DENND1A: variants seen among roughly 807,000 people sequenced by gnomAD.
DENND1A encodes the protein DENN domain containing 1A.
A neutral mutation model predicts 113.7 loss-of-function variants in DENND1A; 51 were observed. The ratio of observed to expected loss-of-function variants is 0.45; its 90% CI spans 0.36 to 0.57. The LOEUF (loss-of-function observed/expected upper bound fraction) is 0.57. DENND1A is among the 20% of genes least tolerant of loss of function. The probability of loss-of-function intolerance (pLI) is 0.00; values close to 1 mark genes in which losing one functional copy is unlikely to be tolerated. For missense variants in DENND1A, 1,258 were observed against 1,395.9 expected (o/e 0.90, Z 1.57); for synonymous variants, 565 against 570.8 (o/e 0.99, Z 0.14).
chr9:123,424,624 G>C (rs1298832092), intron 19 of DENND1A, among the ~76,000 whole-genome samples: 1 of 152,156 alleles, frequency 6.6e-6, no homozygotes, highest in Non-Finnish European at 1.5e-5. Context: ...GCACCTATGG[G>C]ATAAAATTCA....
At chr9:123,408,812 C>T (rs2131452098) in intron 20 of DENND1A, among the ~76,000 whole-genome samples, 1 of 152,342 alleles carries the variant, frequency 6.6e-6, no homozygotes, top group Non-Finnish European at 1.5e-5. Flanking sequence ...CAGATCCCCA[C>T]ACCAGTGAGA....
At chr9:123,449,500 A>C (rs981769525) in intron 18 of DENND1A, among the ~76,000 whole-genome samples, 24 of 149,618 alleles carry the variant, frequency 1.6e-4, no homozygotes, top group Admixed American at 1.3e-3. Context: ...GCGCCATTGC[A>C]CTCCAGCATG....
At chr9:123,672,511 A>G (rs2063814753) in intron 6 of DENND1A, among the ~76,000 whole-genome samples, 2 of 152,216 alleles carry the variant, frequency 1.3e-5, no homozygotes, top group Admixed American at 1.3e-4. Flanking sequence ...CTAAATCACC[A>G]CAATTAATTA....
rs995950214 is a variant in DENND1A, at chr9:123,505,421, C to T, written c.994-47524G>A. On this transcript the variant is annotated intron_variant, in intron 13 of 23. Transcript: ENST00000394215. Reference sequence around the variant, plus strand: ...AAGTGGGATTCACAAGCACCCTCCACATTTTGAGGCATGTAGGCAACATAG... The same window carrying T: ...AAGTGGGATTCACAAGCACCCTCCATATTTTGAGGCATGTAGGCAACATAG... Among the ~76,000 whole-genome samples, 3 of 152,320 alleles carry T rather than the reference C, an allele frequency of 2.0e-5. No individual in the cohort carries two copies. In the East Asian group the frequency reaches 5.8e-4, roughly 29 times the overall value.
At chr9:123,417,885 T>TA (rs2044869290) in intron 19 of DENND1A, among the ~76,000 whole-genome samples, 1 of 133,864 alleles carries the variant, frequency 7.5e-6, no homozygotes, top group South Asian at 2.8e-4. Flanking sequence ...TGCCATAGAT[T>TA]GGGGGGGGGG....
At chr9:123,465,233 C>G (rs183189447) in intron 13 of DENND1A, among the ~76,000 whole-genome samples, 281 of 150,362 alleles carry the variant, frequency 1.9e-3, no homozygotes, top group Middle Eastern at 3.5e-3. Context: ...TCAAAGAATC[C>G]TGTCTAGTTC....
chr9:123,729,559 G>A (rs1379490112), intron 5 of DENND1A, among the ~76,000 whole-genome samples: 1 of 152,170 alleles, frequency 6.6e-6, no homozygotes, highest in East Asian at 1.9e-4. Context: ...CAAGGGATGT[G>A]AAGGACCTCT....
At chr9:123,717,087 TAGC>T (rs967478900) in intron 5 of DENND1A, among the ~76,000 whole-genome samples, 51 of 152,282 alleles carry the variant, frequency 3.3e-4, no homozygotes, top group African/African-American at 9.6e-4. Flanking sequence ...CTAGGAAACT[TAGC>T]AGTATTACAT....
chr9:123,403,295 C>A, intron 21 of DENND1A, 107 bp downstream of exon 21: 1 of 1,117,370 alleles, frequency 8.9e-7, no homozygotes, highest in South Asian at 1.3e-5. Flanking sequence ...CGCTGGGAGC[C>A]CCGGGGAAGC....
intron 2 of DENND1A, among the ~76,000 whole-genome samples, chr9:123,834,422 A>C (rs1282647286): frequency 6.6e-6 from 1 of 152,228 alleles, no homozygotes; most frequent in Non-Finnish European, 1.5e-5. Context: ...GAGACATCAA[A>C]TAATTTGCAC....
intron 16 of DENND1A, among the ~76,000 whole-genome samples, chr9:123,452,832 A>T (rs1164598848): frequency 6.6e-6 from 1 of 152,154 alleles, no homozygotes; most frequent in Non-Finnish European, 1.5e-5. Context: ...TCACCGTGCA[A>T]CTTCCTTTTC....
intron 4 of DENND1A, among the ~76,000 whole-genome samples, chr9:123,766,931 G>A (rs1828919043): frequency 6.6e-6 from 1 of 152,180 alleles, no homozygotes; most frequent in Non-Finnish European, 1.5e-5. Flanking sequence ...ATGTCAGAAA[G>A]TTTTATGACT....
chr9:123,613,355 T>C (rs1177020209), intron 10 of DENND1A, among the ~76,000 whole-genome samples: 1 of 152,044 alleles, frequency 6.6e-6, no homozygotes, highest in Non-Finnish European at 1.5e-5. Context: ...AAAAAAAAAC[T>C]TCTTCATATT....
At chr9:123,537,193 T>C (rs1034598527) in intron 13 of DENND1A, among the ~76,000 whole-genome samples, 5 of 151,538 alleles carry the variant, frequency 3.3e-5, no homozygotes, top group Non-Finnish European at 5.9e-5. Flanking sequence ...GGGATAGAAC[T>C]CAGGAAAATA....
chr9:123,590,500 T>C (rs536368243), intron 11 of DENND1A, among the ~76,000 whole-genome samples: 2 of 152,250 alleles, frequency 1.3e-5, no homozygotes, highest in South Asian at 4.1e-4. Context: ...CCTTGATAAA[T>C]GGGGGATGAT....
chr9:123,799,492 A>G (rs2132191528), intron 2 of DENND1A, among the ~76,000 whole-genome samples: 1 of 152,330 alleles, frequency 6.6e-6, no homozygotes, highest in African/African-American at 2.4e-5. Context: ...GTGTGATACT[A>G]GGAGTTAATC....
chr9:123,860,811 A>G (rs1188291222), intron 2 of DENND1A, among the ~76,000 whole-genome samples: 1 of 152,224 alleles, frequency 6.6e-6, no homozygotes, highest in African/African-American at 2.4e-5. Context: ...GGCACCACAC[A>G]ATAGAGTTTC....
At chr9:123,391,270 G>C (rs954298546) in intron 21 of DENND1A, among the ~76,000 whole-genome samples, 2 of 152,240 alleles carry the variant, frequency 1.3e-5, no homozygotes, top group African/African-American at 4.8e-5. Flanking sequence ...CCTGTCTCTT[G>C]AAAGTGGCAG....
chr9:123,731,253 A>C (rs1158444751), intron 5 of DENND1A, among the ~76,000 whole-genome samples: 2 of 152,202 alleles, frequency 1.3e-5, no homozygotes, highest in Non-Finnish European at 2.9e-5. Context: ...CTTAAAGTAT[A>C]ATTTAAAAAA....
Sources: allele counts gnomAD v4.1 joint callset (sites outside exome capture counted in the v4.1 genomes callset), GRCh38; gene constraint gnomAD v4.1.1; transcripts MANE v1.5; gene names NCBI Gene and HGNC (gene_info 2026-07-23, HGNC 2026-07-21).